Variants in FAM151B observed in about 807,000 individuals in gnomAD.
FAM151B encodes protein FAM151B.
FAM151B carries 24 observed loss-of-function variants against 31.2 expected under a neutral mutation model. The observed-to-expected ratio is 0.77, with a 90% CI of 0.56 to 1.08. The LOEUF (loss-of-function observed/expected upper bound fraction) is 1.08. Ranked by LOEUF, FAM151B falls within the 50% of genes least tolerant of loss-of-function variation. FAM151B has a pLI of 0.00. For missense variants in FAM151B, 293 were observed against 328.6 expected (o/e 0.89, Z 0.84); for synonymous variants, 105 against 111.4 (o/e 0.94, Z 0.36).
rs1200759071 is a variant in FAM151B, at chr5:80,516,611, C to CA, written c.317+2844dup. On this transcript the variant is annotated intron_variant, in intron 3 of 5. Transcript: ENST00000282226. ...GACTTAAATAAATACCACCAAGGAGCAATTTTCAGTAGTAGTCTCACCAGG... is the reference window on the plus strand; with the variant it reads ...GACTTAAATAAATACCACCAAGGAGCAAATTTTCAGTAGTAGTCTCACCAGG... Among the ~76,000 whole-genome samples the CA allele has an allele frequency of 2.0e-5, 3 of 152,116 alleles. No homozygotes were observed. In the South Asian group the frequency reaches 6.2e-4, roughly 31 times the overall value.
chr5:80,496,272 A>G (rs1052245209), intron 1 of FAM151B, among the ~76,000 whole-genome samples: 4 of 152,242 alleles, frequency 2.6e-5, no homozygotes, highest in African/African-American at 9.6e-5. Flanking sequence ...TGATTGGTCA[A>G]TAGCCATCAA....
chr5:80,506,048 G>T (rs1440304805), intron 2 of FAM151B: 3 of 986,224 alleles, frequency 3.0e-6, no homozygotes, highest in South Asian at 4.7e-5. Flanking sequence ...GAGCCACCAC[G>T]CCCGGCCAAG....
Position 80,541,768 on chromosome 5 carries a change from A to G in FAM151B, c.767A>G (p.Tyr256Cys), listed in dbSNP as rs747433865. ...CATTTTGACAAAAAACAAGTTTTCTATGACATCTTGGAACCACAAAACCAT... is the reference window on the plus strand; with the variant it reads ...CATTTTGACAAAAAACAAGTTTTCTGTGACATCTTGGAACCACAAAACCAT... ...RDHFDKKQVFYDILEPQNHEF... is the reference protein window; with the variant it reads ...RDHFDKKQVFCDILEPQNHEF... The change falls in exon 6 of 6, where the codon TAT becomes TGT. Residue 256 changes from tyrosine (Y) to cysteine (C), a missense_variant. Physicochemically the swap from Tyr to Cys is radical, Grantham distance 194. Coordinates refer to ENST00000282226, the MANE Select transcript of FAM151B (RefSeq NM_205548.3). 50 of 1,613,620 alleles carry G rather than the reference A, an allele frequency of 3.1e-5. No individual in the cohort carries two copies. Among genetic ancestry groups the G allele is most frequent in the Admixed American group, 2.2e-4 (13 of 59,994 alleles).
At chr5:80,496,701 C>A (rs1332610227) in intron 1 of FAM151B, among the ~76,000 whole-genome samples, 1 of 150,994 alleles carries the variant, frequency 6.6e-6, no homozygotes, top group Non-Finnish European at 1.5e-5. Context: ...AATTGGGGAG[C>A]TTTAAATAAA....
At chr5:80,491,623 A>G (rs1033102015) in intron 1 of FAM151B, among the ~76,000 whole-genome samples, 4 of 151,958 alleles carry the variant, frequency 2.6e-5, no homozygotes, top group Non-Finnish European at 5.9e-5. Context: ...TCCCCCTCCC[A>G]TCCAATTGCC....
At chr5:80,538,570 T>TTCCTTCCC (rs1336967873) in intron 5 of FAM151B, among the ~76,000 whole-genome samples, 16 of 118,778 alleles carry the variant, frequency 1.3e-4, no homozygotes, top group Admixed American at 3.5e-4. Flanking sequence ...CCTTCCTTCC[T>TTCCTTCCC]TCCCTCCCTT....
chr5:80,519,911 G>T lies in FAM151B; in HGVS notation c.535+1G>T, dbSNP rs1214166172. On this transcript the variant is annotated splice_donor_variant, in intron 4 of 5. Transcript: ENST00000282226. LOFTEE classifies it high-confidence loss of function. ...TGGCATCCTGAGAAAGTCAATGAAG[G>T]TAATAATTCTAATAATGTATTTCTT... 1.2e-6 allele frequency: 2 copies of T among 1,610,784 alleles called. No homozygotes were observed. Among genetic ancestry groups the T allele is most frequent in the East Asian group, 2.2e-5 (1 of 44,844 alleles).
intron 3 of FAM151B, among the ~76,000 whole-genome samples, chr5:80,514,146 G>C (rs1744311934): frequency 6.6e-6 from 1 of 152,092 alleles, no homozygotes; most frequent in Non-Finnish European, 1.5e-5. Flanking sequence ...GAATTATTTA[G>C]AATTCTCCAA....
intron 1 of FAM151B, among the ~76,000 whole-genome samples, chr5:80,494,456 T>TTTCTTTCTTTTCTTTCTTTTCTTTC (rs753640131): frequency 1.2e-5 from 1 of 82,686 alleles, no homozygotes; most frequent in Non-Finnish European, 2.6e-5. Context: ...TCTTTCTTTC[T>TTTCTTTCTTTTCTTTCTTTTCTTTC]TTTCTTTCTT....
intron 5 of FAM151B, among the ~76,000 whole-genome samples, chr5:80,541,162 C>G (rs2112688095): frequency 6.6e-6 from 1 of 152,308 alleles, no homozygotes. Context: ...ATTTGTCATT[C>G]TTAGTGAAAT....
chr5:80,509,293 A>G (rs1744098438), intron 2 of FAM151B, among the ~76,000 whole-genome samples: 2 of 152,038 alleles, frequency 1.3e-5, no homozygotes, highest in Non-Finnish European at 2.9e-5. Flanking sequence ...TTGAAATTTA[A>G]TTGCCAGTGT....
intron 5 of FAM151B, among the ~76,000 whole-genome samples, chr5:80,534,812 C>A (rs1745417739): frequency 6.6e-6 from 1 of 152,124 alleles, no homozygotes; most frequent in Non-Finnish European, 1.5e-5. Flanking sequence ...AGGAAGAAGT[C>A]AAATTATCCT....
chr5:80,496,797 T>A, intron 1 of FAM151B, among the ~76,000 whole-genome samples: 1 of 135,238 alleles, frequency 7.4e-6, no homozygotes, highest in African/African-American at 2.6e-5. Context: ...TCTTTTTGCT[T>A]AATTTTTTTT....
chr5:80,509,377 T>G (rs1744101200), intron 2 of FAM151B, among the ~76,000 whole-genome samples: 1 of 152,140 alleles, frequency 6.6e-6, no homozygotes, highest in Non-Finnish European at 1.5e-5. Flanking sequence ...TTTAAAGGAC[T>G]TTGGAAAGTG....
intron 2 of FAM151B, among the ~76,000 whole-genome samples, chr5:80,512,574 C>T (rs993779649): frequency 2.0e-5 from 3 of 151,830 alleles, no homozygotes; most frequent in Non-Finnish European, 4.4e-5. Context: ...CAAGAGTTCA[C>T]GACCAGCCTG....
intron 5 of FAM151B, among the ~76,000 whole-genome samples, chr5:80,535,788 A>G (rs182502998): frequency 1.8e-3 from 276 of 152,354 alleles, no homozygotes; most frequent in Non-Finnish European, 2.6e-3. Context: ...AATGGTCAAC[A>G]AAGTGAAGAA....
At chr5:80,500,910 C>T in intron 1 of FAM151B, 1 of 777,050 alleles carries the variant, frequency 1.3e-6, no homozygotes, top group Non-Finnish European at 2.3e-6. Flanking sequence ...TTCATGAGAT[C>T]TATACTGTTG....
rs761596469 is a variant in FAM151B at position 80,519,668 on chromosome 5, C to T, written c.318-25C>T. On this transcript the variant is annotated intron_variant, in intron 3 of 5. Transcript: ENST00000282226. ...TTTACTTTACCTAAAGAATCTATCT[C>T]ATTGACAACAAATTATGTTTTTAGT... is the stretch of plus-strand genomic sequence containing the variant. The T allele has an allele frequency of 9.4e-6, 15 of 1,599,018 alleles. No homozygotes were observed. The Middle Eastern group carries it at 5.0e-4, about 53-fold the overall frequency.
chr5:80,514,106 A>G (rs249012), intron 3 of FAM151B, among the ~76,000 whole-genome samples: 56,382 of 151,964 alleles, frequency 0.37, 11,039 homozygotes, highest in African/African-American at 0.51. Context: ...TGCATACCCT[A>G]TTTGATTTAT....
Sources: gnomAD v4.1 joint callset for allele counts (sites outside exome capture counted in the v4.1 genomes callset) on GRCh38, gnomAD v4.1.1 for gene constraint, MANE v1.5 for transcripts, NCBI Gene and HGNC (gene_info 2026-07-23, HGNC 2026-07-21) for gene names.